The following IMMP2L variants were observed in gnomAD, a reference collection of about 807,000 sequenced individuals.
The protein encoded by IMMP2L is mitochondrial inner membrane protease subunit 2.
A neutral mutation model predicts 19.3 loss-of-function variants in IMMP2L; 18 were observed. That is an observed-to-expected ratio of 0.93 (90% CI 0.64 to 1.38). The LOEUF (loss-of-function observed/expected upper bound fraction) is 1.38, where lower values mean the gene tolerates loss of function less well. Ranked by LOEUF, IMMP2L falls within the 40% of genes most tolerant of loss-of-function variation. The pLI, the probability that IMMP2L is intolerant of heterozygous loss-of-function variation, is 0.00. For missense variants in IMMP2L, 233 were observed against 218.2 expected (o/e 1.07, Z -0.43); for synonymous variants, 76 against 73.0 (o/e 1.04, Z -0.21).
chr7:111,477,733 T>C (rs1841838295), intron 3 of IMMP2L, among the ~76,000 whole-genome samples: 1 of 152,012 alleles, frequency 6.6e-6, no homozygotes, highest in Admixed American at 6.6e-5. Context: ...ACCCCATCTC[T>C]ACTAAAAATA....
At chr7:111,192,505 A>C (rs919744392) in intron 3 of IMMP2L, among the ~76,000 whole-genome samples, 3 of 152,144 alleles carry the variant, frequency 2.0e-5, no homozygotes, top group African/African-American at 7.2e-5. Flanking sequence ...AACAAAACTT[A>C]GTGTGTAAAA....
intron 3 of IMMP2L, among the ~76,000 whole-genome samples, chr7:111,087,179 G>T (rs1161840294): frequency 1.3e-5 from 2 of 152,156 alleles, no homozygotes; most frequent in African/African-American, 4.8e-5. Flanking sequence ...GCCGGGCGCG[G>T]TGGCTCACGC....
In IMMP2L at chr7:111,213,166, G is replaced by A. The variant is rs949499558; in HGVS notation, c.240-249601C>T. 6.6e-6 allele frequency among the ~76,000 whole-genome samples: 1 copy of A among 152,198 alleles called. No individual in the cohort carries two copies. Among genetic ancestry groups the A allele is most frequent in the Non-Finnish European group, 1.5e-5 (1 of 68,036 alleles). On this transcript the variant is annotated intron_variant, in intron 3 of 5. Coordinates refer to ENST00000405709, the MANE Select transcript of IMMP2L (RefSeq NM_032549.4). The surrounding 1 kb of genome is among the most constrained non-coding windows in gnomAD (Gnocchi z 4.8). ...CAGAGGTGCCTGCTGTCACTGCCTC[G>A]CCTCTCCTTGCTCCCTGCACTTGCT...
chr7:111,180,573 A>G (rs1464396245), intron 3 of IMMP2L, among the ~76,000 whole-genome samples: 1 of 152,106 alleles, frequency 6.6e-6, no homozygotes, highest in African/African-American at 2.4e-5. Flanking sequence ...AATTACCAAA[A>G]TGTGACACAA....
intron 3 of IMMP2L, among the ~76,000 whole-genome samples, chr7:111,385,164 G>T (rs1403780591): frequency 3.3e-5 from 5 of 152,034 alleles, no homozygotes; most frequent in African/African-American, 7.2e-5. Flanking sequence ...AGGTGGAGGT[G>T]GGGGGGCAAG....
At chr7:110,756,819 C>T (rs1167303356) in intron 5 of IMMP2L, among the ~76,000 whole-genome samples, 1 of 152,050 alleles carries the variant, frequency 6.6e-6, no homozygotes, top group Non-Finnish European at 1.5e-5. Context: ...AAGATACTGG[C>T]TTGCACTTAG....
At chr7:111,135,262 C>T (rs1245299497) in intron 3 of IMMP2L, among the ~76,000 whole-genome samples, 1 of 152,066 alleles carries the variant, frequency 6.6e-6, no homozygotes, top group Non-Finnish European at 1.5e-5. Flanking sequence ...GATTACATAT[C>T]TATAAAGTAC....
At chr7:110,780,827 G>T (rs555130486) in intron 5 of IMMP2L, among the ~76,000 whole-genome samples, 14 of 151,804 alleles carry the variant, frequency 9.2e-5, no homozygotes, top group African/African-American at 2.9e-4. Context: ...CACAGAACAG[G>T]CTCAGAGTGC....
At chr7:111,061,735 A>G (rs1421753739) in intron 3 of IMMP2L, among the ~76,000 whole-genome samples, 1 of 152,188 alleles carries the variant, frequency 6.6e-6, no homozygotes, top group Non-Finnish European at 1.5e-5. Context: ...AAACACATCA[A>G]TTCTCCACAG....
chr7:111,042,885 G>T (rs1792033311), intron 3 of IMMP2L, among the ~76,000 whole-genome samples: 1 of 152,148 alleles, frequency 6.6e-6, no homozygotes, highest in Non-Finnish European at 1.5e-5. Flanking sequence ...GTCTTGAAAG[G>T]GCAGAAATTA....
At chr7:110,848,036 C>T (rs758990866) in intron 5 of IMMP2L, among the ~76,000 whole-genome samples, 1 of 151,954 alleles carries the variant, frequency 6.6e-6, no homozygotes, top group African/African-American at 2.4e-5. Flanking sequence ...AAGGCACAAC[C>T]CATGAAAGAA....
chr7:110,941,577 C>T (rs1026080276), intron 4 of IMMP2L, among the ~76,000 whole-genome samples: 4 of 152,038 alleles, frequency 2.6e-5, no homozygotes, highest in East Asian at 1.9e-4. Context: ...TATTTATTGT[C>T]GAATGAGAGA....
chr7:111,414,358 A>G (rs1232400876), intron 3 of IMMP2L, among the ~76,000 whole-genome samples: 1 of 151,944 alleles, frequency 6.6e-6, no homozygotes, highest in East Asian at 1.9e-4. Flanking sequence ...CATAACCTAT[A>G]AAGCCATGGA....
chr7:111,269,328 TATAG>T (rs1455892669), intron 3 of IMMP2L, among the ~76,000 whole-genome samples: 1 of 152,164 alleles, frequency 6.6e-6, no homozygotes, highest in South Asian at 2.1e-4. Context: ...ATGCAATCCA[TATAG>T]AAAGACATTA....
chr7:111,288,395 A>C (rs1477704147), intron 3 of IMMP2L, among the ~76,000 whole-genome samples: 1 of 152,198 alleles, frequency 6.6e-6, no homozygotes, highest in African/African-American at 2.4e-5. Context: ...TTCATGACTA[A>C]AACACCAAAA....
intron 3 of IMMP2L, among the ~76,000 whole-genome samples, chr7:111,166,123 A>G (rs1805789018): frequency 6.6e-6 from 1 of 152,048 alleles, no homozygotes. Context: ...GAGTGAGGTT[A>G]ATAATAATGG....
Position 110,964,560 on chromosome 7 carries a change from A to G in IMMP2L, c.240-995T>C, listed in dbSNP as rs527594359. On this transcript the variant is annotated intron_variant, in intron 3 of 5. Transcript: ENST00000405709. ...ATCATTTATTTCAAGCTACTTGATT[A>G]TGGTAAATTTTAACTTAGAGTAATA... 4.3e-4 allele frequency among the ~76,000 whole-genome samples: 65 copies of G among 152,144 alleles called. 2 individuals carry two copies. The highest frequency in any genetic ancestry group is 1.5e-3 in the African/African-American group (61 of 41,548).
At chr7:110,733,193 G>A (rs1370804663) in intron 5 of IMMP2L, among the ~76,000 whole-genome samples, 1 of 152,184 alleles carries the variant, frequency 6.6e-6, no homozygotes, top group African/African-American at 2.4e-5. Context: ...TCTGGTGCTA[G>A]TACGACAGCT....
At chr7:110,677,365 C>A (rs563635286) in intron 5 of IMMP2L, among the ~76,000 whole-genome samples, 2 of 152,208 alleles carry the variant, frequency 1.3e-5, no homozygotes, top group South Asian at 4.2e-4. Flanking sequence ...ATGCTCCCTA[C>A]TTTATTTTTA....
Sources: allele counts gnomAD v4.1 joint callset (sites outside exome capture counted in the v4.1 genomes callset), GRCh38; gene constraint gnomAD v4.1.1; non-coding constraint Gnocchi (gnomAD v3.1); transcripts MANE v1.5; gene names NCBI Gene and HGNC (gene_info 2026-07-23, HGNC 2026-07-21).